Variants in CEP126 observed in about 807,000 individuals in gnomAD.
The protein encoded by CEP126 is centrosomal protein of 126 kDa.
In CEP126, 74 loss-of-function variants were observed where a neutral mutation model predicts 107.8. That is an observed-to-expected ratio of 0.69 (90% CI 0.57 to 0.83). The LOEUF (loss-of-function observed/expected upper bound fraction) is 0.83, where lower values mean the gene tolerates loss of function less well. CEP126 is among the 40% of genes least tolerant of loss of function. CEP126 has a pLI of 0.00. For missense variants in CEP126, 1,237 were observed against 1,281.9 expected, an observed-to-expected ratio of 0.96 and a Z score of 0.53; for synonymous variants, 449 against 446.0, an observed-to-expected ratio of 1.01 and a Z score of -0.08.
chr11:101,961,738 C>T lies in CEP126; in HGVS notation c.706-3C>T, dbSNP rs1340253979. ...TATAAAACAATGTTCTTTTTTTTTC[C>T]AGAAATTTTGTGATGAAGTTAATCA... is the stretch of plus-strand genomic sequence containing the variant. On this transcript the variant is annotated splice_polypyrimidine_tract_variant and splice_region_variant and intron_variant, in intron 5 of 10. Transcript: ENST00000263468. 2.5e-5 allele frequency: 36 copies of T among 1,458,074 alleles called. No homozygotes were observed. Among genetic ancestry groups the T allele is most frequent in the Admixed American group, 4.7e-5 (2 of 42,728 alleles). 90.3% of individuals were successfully genotyped at this position (1,458,074 alleles called of 1,614,324 possible). A position where few individuals can be genotyped will look rare whatever the true frequency, so the allele number is the denominator to read the frequency against.
intron 7 of CEP126, among the ~76,000 whole-genome samples, chr11:101,979,053 AC>A (rs1213908698): frequency 6.6e-6 from 1 of 151,772 alleles, no homozygotes; most frequent in South Asian, 2.1e-4. Flanking sequence ...AATTGCTTGA[AC>A]CTGGGAGGCG....
rs751323958 is a variant in CEP126 at position 101,986,923 on chromosome 11, A to G, written c.3126A>G (p.Lys1042=). 1.2e-6 allele frequency: 2 copies of G among 1,613,894 alleles called. No homozygotes were observed. Among genetic ancestry groups the G allele is most frequent in the Non-Finnish European group, 1.7e-6 (2 of 1,179,862 alleles). Residue 1042 remains lysine, a synonymous_variant, in exon 9 of 11, where the codon AAA becomes AAG. Transcript: ENST00000263468. The part of the protein sequence containing the change: ...EDEILTVLNS[K]QIQKSNLPLN... ...AGATTCTGACTGTCTTGAATAGCAA[A>G]CAGATACAGAAATCAAATCTACCTT... is the stretch of plus-strand genomic sequence containing the variant.
intron 2 of CEP126, among the ~76,000 whole-genome samples, chr11:101,935,671 C>G (rs1940566963): frequency 6.6e-6 from 1 of 151,952 alleles, no homozygotes; most frequent in Non-Finnish European, 1.5e-5. Flanking sequence ...TTCCATTGGT[C>G]TGTTTACTCT....
At chr11:101,968,699 G>C (rs1408793498) in intron 6 of CEP126, among the ~76,000 whole-genome samples, 1 of 152,114 alleles carries the variant, frequency 6.6e-6, no homozygotes, top group East Asian at 1.9e-4. Flanking sequence ...AAGGAACAAA[G>C]ATTGTTAAGG....
At chr11:101,966,306 A>G (rs898106498) in intron 6 of CEP126, among the ~76,000 whole-genome samples, 1 of 152,178 alleles carries the variant, frequency 6.6e-6, no homozygotes, top group African/African-American at 2.4e-5. Context: ...AAATGCTTCA[A>G]GTGAACTCTT....
intron 2 of CEP126, among the ~76,000 whole-genome samples, chr11:101,926,263 T>G (rs553864289): frequency 2.6e-4 from 40 of 152,288 alleles, no homozygotes; most frequent in Admixed American, 1.2e-3. Flanking sequence ...GTCTCTCGTA[T>G]TAGTTAACCA....
At chr11:101,977,026 C>T (rs892349804) in intron 6 of CEP126, among the ~76,000 whole-genome samples, 9 of 152,102 alleles carry the variant, frequency 5.9e-5, no homozygotes, top group African/African-American at 2.2e-4. Context: ...CTAATATATA[C>T]ATTAAGAACC....
rs574238719 is a variant in CEP126 at position 101,972,756 on chromosome 11, G to A, written c.2846-5591G>A. Among the ~76,000 whole-genome samples, 4 of 152,010 alleles carry A rather than the reference G, an allele frequency of 2.6e-5. No homozygotes were observed. In the South Asian group the frequency reaches 8.3e-4, roughly 32 times the overall value. ...GTGGAGGTTATAGTGAGCCGAGATT[G>A]CGCCATTGCACTCCAGCCTGGGCGA... On this transcript the variant is annotated intron_variant, in intron 6 of 10. Coordinates refer to ENST00000263468, the MANE Select transcript of CEP126 (RefSeq NM_020802.4).
Position 101,986,862 on chromosome 11 carries a change from C to T in CEP126, c.3065C>T (p.Ala1022Val), listed in dbSNP as rs774602328. ...GATAGTACTTCTGAGTTTTTGATGG[C>T]TGAAAACTTAGTGAAAGCATCAGTG... ...VSDSTSEFLM[A>V]ENLVKASVPE... Residue 1022 changes from alanine (A) to valine (V), a missense_variant, in exon 9 of 11, where the codon GCT becomes GTT. Physicochemically the swap from Ala to Val is moderately conservative, Grantham distance 64 (BLOSUM62 0). This residue lies in a region of CEP126 where 99 missense variants were observed against 114.4 expected (regional missense o/e 0.87). Transcript: ENST00000263468. 2 of 1,613,738 alleles carry T rather than the reference C, an allele frequency of 1.2e-6. No homozygotes were observed. Among genetic ancestry groups the T allele is most frequent in the Non-Finnish European group, 1.7e-6 (2 of 1,179,820 alleles).
At chr11:101,942,784 T>G (rs1164371989) in intron 2 of CEP126, among the ~76,000 whole-genome samples, 1 of 152,046 alleles carries the variant, frequency 6.6e-6, no homozygotes, top group Non-Finnish European at 1.5e-5. Flanking sequence ...TGCATCTTTT[T>G]AAAATTCTTT....
At position 101,915,035 on chromosome 11, in the gene CEP126, C is replaced by A. The variant is rs1056382134; in HGVS notation, c.-250C>A. ...GCGCCGTCGGTTGTTGTCAAGATGG[C>A]GGCTGCAGGGTTGCTGCCGCCCCAT... On this transcript the variant is annotated 5_prime_UTR_variant, in exon 1 of 11. Coordinates refer to ENST00000263468, the MANE Select transcript of CEP126 (RefSeq NM_020802.4). The A allele has an allele frequency of 1.8e-5, 8 of 439,942 alleles. No homozygotes were observed. The highest frequency in any genetic ancestry group is 2.8e-5 in the Non-Finnish European group (7 of 249,148). The allele number at this position is 439,942 out of a possible 1,614,324, so 27.3% of individuals were successfully genotyped here. A position where few individuals can be genotyped will look rare whatever the true frequency, so the allele number is the denominator to read the frequency against.
chr11:101,953,346 T>C (rs556440314), intron 4 of CEP126, among the ~76,000 whole-genome samples: 2 of 152,250 alleles, frequency 1.3e-5, no homozygotes, highest in South Asian at 2.1e-4. Flanking sequence ...TCCAGAGAAA[T>C]AGACTTAGAA....
Position 101,962,593 on chromosome 11 carries a change from G to T in CEP126, c.1558G>T (p.Asp520Tyr). ...TAAGGAAGAGTTGCCTTTATTTTCA[G>T]ACAGTTTTCAAGATGCCTATATACC... ...CNKEELPLFS[D>Y]SFQDAYIPHN... is the part of the protein sequence containing the mutation. The change falls in exon 6 of 11, where the codon GAC (aspartate) becomes TAC (tyrosine). Residue 520 changes from aspartate (D) to tyrosine (Y), a missense_variant. Coordinates refer to ENST00000263468, the MANE Select transcript of CEP126 (RefSeq NM_020802.4). 1 of 1,613,620 alleles carries T rather than the reference G, an allele frequency of 6.2e-7. No homozygotes were observed. Among genetic ancestry groups the T allele is most frequent in the South Asian group, 1.1e-5 (1 of 91,032 alleles).
At chr11:101,931,366 A>G (rs1940496800) in intron 2 of CEP126, among the ~76,000 whole-genome samples, 1 of 152,162 alleles carries the variant, frequency 6.6e-6, no homozygotes, top group South Asian at 2.1e-4. Flanking sequence ...TATGGTTTTC[A>G]TACATTCTTT....
chr11:101,928,847 ATTGT>A (rs1940449375), intron 2 of CEP126, among the ~76,000 whole-genome samples: 2 of 152,138 alleles, frequency 1.3e-5, no homozygotes, highest in Non-Finnish European at 2.9e-5. Context: ...CTTTTTCAGA[ATTGT>A]TTTAGGTGTT....
chr11:101,928,182 T>C (rs1940439153), intron 2 of CEP126, among the ~76,000 whole-genome samples: 1 of 152,242 alleles, frequency 6.6e-6, no homozygotes, highest in South Asian at 2.1e-4. Context: ...AAATTCTCTT[T>C]ACATTTTTGT....
chr11:101,915,179 C>A lies in CEP126; in HGVS notation c.-106C>A. 1.3e-6 allele frequency: 2 copies of A among 1,516,364 alleles called. No individual in the cohort carries two copies. The highest frequency in any genetic ancestry group is 1.8e-6 in the Non-Finnish European group (2 of 1,118,436). The allele number at this position is 1,516,364 out of a possible 1,614,324, so 93.9% of individuals were successfully genotyped here. ...ACCCTTCCGCGCCCGTGACGCGGGG[C>A]CTGAGAGACGGAGTGTAGGGAGGGG... On this transcript the variant is annotated 5_prime_UTR_variant, in exon 1 of 11. Transcript: ENST00000263468.
chr11:101,945,395 T>C (rs149385356), intron 3 of CEP126, among the ~76,000 whole-genome samples: 1 of 151,824 alleles, frequency 6.6e-6, no homozygotes, highest in African/African-American at 2.4e-5. Flanking sequence ...AAAAAAGAGG[T>C]AGCCAGTTCT....
intron 7 of CEP126, among the ~76,000 whole-genome samples, chr11:101,979,575 T>C (rs971049356): frequency 7.2e-5 from 11 of 152,010 alleles, no homozygotes; most frequent in African/African-American, 2.7e-4. Flanking sequence ...TAGCAAGACC[T>C]CGTCTCTGCA....
Sources: gnomAD v4.1 joint callset for allele counts (sites outside exome capture counted in the v4.1 genomes callset) on GRCh38, gnomAD v4.1.1 for gene constraint, gnomAD v4.1.1 regional missense constraint, MANE v1.5 for transcripts, NCBI Gene and HGNC (gene_info 2026-07-23, HGNC 2026-07-21) for gene names.